REPIN1: variants seen among roughly 807,000 people sequenced by gnomAD.
REPIN1 encodes DNA-binding protein REPIN1.
In REPIN1, 4 loss-of-function variants were observed where a neutral mutation model predicts 5.7. The observed-to-expected ratio is 0.71, with a 90% confidence interval of 0.35 to 1.62. The LOEUF (loss-of-function observed/expected upper bound fraction) is 1.62. REPIN1 is among the 40% of genes most tolerant of loss of function. The probability of loss-of-function intolerance (pLI) is 0.05; values close to 1 mark genes in which losing one functional copy is unlikely to be tolerated. For missense variants in REPIN1, 854 were observed against 901.0 expected (o/e 0.95, Z 0.67); for synonymous variants, 410 against 386.2 (o/e 1.06, Z -0.72).
chr7:150,372,483 G>T lies in REPIN1; in HGVS notation c.1413G>T (p.Lys471Asn). Residue 471 changes from lysine to asparagine, a missense_variant, in exon 3 of 3, where the codon AAG becomes AAT. Physicochemically the swap from Lys to Asn is moderately conservative, Grantham distance 94 (BLOSUM62 0). Around this residue, in one of 5 missense-constraint regions of REPIN1, gnomAD observed 327 missense variants for 307.8 expected, o/e 1.06. Coordinates refer to ENST00000489432, the MANE Select transcript of REPIN1 (RefSeq NM_001099695.2). ...CCGAGTGCGGGAAGAACTTCGGCAA[G>T]AAGACGCACCTGGTGGCGCACTCGC... The part of the protein sequence containing the change: ...TCAECGKNFG[K>N]KTHLVAHSRV... 1 of 1,546,152 alleles carries T rather than the reference G, an allele frequency of 6.5e-7. No homozygotes were observed. The highest frequency in any genetic ancestry group is 8.7e-7 in the Non-Finnish European group (1 of 1,151,908).
intron 1 of REPIN1, chr7:150,369,143 A>AG (rs1799204970): frequency 2.9e-6 from 1 of 348,224 alleles, no homozygotes; most frequent in Non-Finnish European, 5.2e-6. Flanking sequence ...CTCACTCGCA[A>AG]GAACGGGACC....
At chr7:150,368,648 G>A (rs1168893954), upstream of REPIN1, 1 of 193,834 alleles carries the variant, frequency 5.2e-6, no homozygotes, top group African/African-American at 2.3e-5. Flanking sequence ...GCCCTGGCGC[G>A]GCAGTGGCTT....
rs367724240 is a variant in REPIN1, at chr7:150,372,872, G to A, written c.1802G>A (p.Cys601Tyr). The change falls in exon 3 of 3, where the codon TGC becomes TAC. Residue 601 changes from cysteine (C) to tyrosine (Y), a missense_variant. By Grantham distance (194) the Cys-to-Tyr change is radical (BLOSUM62 -2). This residue lies in a region of REPIN1 where 101 missense variants were observed against 124.7 expected (regional missense o/e 0.81). Transcript: ENST00000489432. ...RKSHIRDGAF[C>Y]CAICGQTFDD... ...AGCCACATCCGGGACGGCGCCTTCT[G>A]CTGTGCCATCTGTGGCCAGACCTTC... 1 of 1,613,244 alleles carries A rather than the reference G, an allele frequency of 6.2e-7. No individual in the cohort carries two copies. The highest frequency in any genetic ancestry group is 2.2e-5 in the East Asian group (1 of 44,888).
chr7:150,370,968 G>A, intron 2 of REPIN1: 4 of 649,780 alleles, frequency 6.2e-6, no homozygotes, highest in Admixed American at 4.6e-5. Context: ...GCCATGAGGG[G>A]GATTCTAGTA....
chr7:150,368,782 G>T (rs1269392720), upstream of REPIN1: 7 of 288,576 alleles, frequency 2.4e-5, no homozygotes, highest in Non-Finnish European at 4.4e-5. Flanking sequence ...GTCACGTGGC[G>T]CTGGGAACCC....
At chr7:150,370,852 A>C in intron 2 of REPIN1, 1 of 701,542 alleles carries the variant, frequency 1.4e-6, no homozygotes, top group Non-Finnish European at 2.6e-6. Flanking sequence ...GGGCAGCATA[A>C]GGCACTGTAG....
intron 2 of REPIN1, chr7:150,370,457 G>T: frequency 2.4e-6 from 1 of 418,348 alleles, no homozygotes; most frequent in Admixed American, 3.8e-5. Context: ...AGACTGCCGG[G>T]AGTAGCACCC....
chr7:150,371,302 T>C lies in REPIN1; in HGVS notation c.232T>C (p.Ser78Pro). 6.3e-7 allele frequency: 1 copy of C among 1,589,882 alleles called. No homozygotes were observed. The highest frequency in any genetic ancestry group is 8.6e-7 in the Non-Finnish European group (1 of 1,168,948). Residue 78 changes from serine (S) to proline (P), a missense_variant, in exon 3 of 3, where the codon TCT becomes CCT. Coordinates refer to ENST00000489432, the MANE Select transcript of REPIN1 (RefSeq NM_001099695.2). ...AMGLAQPRLL[S>P]GPSQESPQTL... ...GGGCCTGGCCCAGCCCCGACTCCTT[T>C]CTGGGCCCTCCCAGGAGTCACCCCA...
rs754624033 is a variant in REPIN1 at position 150,372,279 on chromosome 7, G to A, written c.1209G>A (p.Ala403=). Residue 403 remains alanine, a synonymous_variant, in exon 3 of 3, where the codon GCG becomes GCA. Coordinates refer to ENST00000489432, the MANE Select transcript of REPIN1 (RefSeq NM_001099695.2). The part of the protein sequence containing the change: ...PQESAAEPTP[A]VPLKPAQEPP... Reference sequence around the variant, plus strand: ...AGTCCGCGGCCGAGCCCACCCCGGCGGTACCTCTGAAACCGGCCCAGGAGC... The same window carrying A: ...AGTCCGCGGCCGAGCCCACCCCGGCAGTACCTCTGAAACCGGCCCAGGAGC... The A allele has an allele frequency of 1.4e-5, 22 of 1,520,550 alleles. No homozygotes were observed. The highest frequency in any genetic ancestry group is 1.9e-5 in the Non-Finnish European group (22 of 1,141,262). 94.2% of individuals were successfully genotyped at this position (1,520,550 alleles called of 1,614,324 possible).
At position 150,372,568 on chromosome 7, in the gene REPIN1, G is replaced by A; in HGVS notation, c.1498G>A (p.Gly500Ser). The A allele has an allele frequency of 6.3e-7, 1 of 1,598,004 alleles. No individual in the cohort carries two copies. Among genetic ancestry groups the A allele is most frequent in the Non-Finnish European group, 8.5e-7 (1 of 1,175,318 alleles). The change falls in exon 3 of 3, where the codon GGC becomes AGC. Residue 500 changes from glycine (G) to serine (S), a missense_variant. Gly to Ser is a moderately conservative substitution (Grantham distance 56, BLOSUM62 0). This residue lies in a region of REPIN1 where 327 missense variants were observed against 307.8 expected (regional missense o/e 1.06). Transcript: ENST00000489432. ...CEECGRRFSQGSHLAAHRRDH... is the reference protein window; with the variant it reads ...CEECGRRFSQSSHLAAHRRDH... ...GGAGTGCGGCCGCCGCTTCTCCCAG[G>A]GCAGCCATCTGGCGGCGCATCGGCG... is the stretch of plus-strand genomic sequence containing the variant.
chr7:150,369,113 G>A, intron 1 of REPIN1, 172 bp downstream of exon 1: 1 of 352,064 alleles, frequency 2.8e-6, no homozygotes, highest in Non-Finnish European at 5.1e-6. Context: ...GAGCTGCGCC[G>A]TGCGTGGGAC....
In REPIN1 at chr7:150,371,864, C is replaced by T. The variant is rs1204568589; in HGVS notation, c.794C>T (p.Ala265Val). 6.2e-7 allele frequency: 1 copy of T among 1,605,784 alleles called. No individual in the cohort carries two copies. The highest frequency in any genetic ancestry group is 8.5e-7 in the Non-Finnish European group (1 of 1,176,692). ...VHVAEALEEA[A>V]AKALGPRPRG... ...GTAGCTGAGGCCCTGGAGGAGGCCG[C>T]AGCCAAGGCTCTGGGGCCCCGGCCC... is the stretch of plus-strand genomic sequence containing the variant. Residue 265 changes from alanine (A) to valine (V), a missense_variant, in exon 3 of 3, where the codon GCA (alanine) becomes GTA (valine). By Grantham distance (64) the Ala-to-Val change is moderately conservative (BLOSUM62 0). Around this residue, in one of 5 missense-constraint regions of REPIN1, gnomAD observed 409 missense variants for 418.6 expected, o/e 0.98. Transcript: ENST00000489432.
At chr7:150,369,255 C>G in intron 1 of REPIN1, 1 of 379,442 alleles carries the variant, frequency 2.6e-6, no homozygotes, top group Non-Finnish European at 4.8e-6. Context: ...GGGATTCTGA[C>G]GGAGTCGTGG....
At chr7:150,370,366 G>T (rs569697389) in intron 2 of REPIN1, 1 of 281,046 alleles carries the variant, frequency 3.6e-6, no homozygotes, top group South Asian at 3.9e-5. Context: ...CTTCCTTCCT[G>T]CAATGTCCTA....
rs1328386820 is a variant in REPIN1 at position 150,369,864 on chromosome 7, C to G, written c.153C>G (p.Leu51=). Residue 51 remains leucine (L), a synonymous_variant, in exon 2 of 3, where the codon CTC becomes CTG. Coordinates refer to ENST00000489432, the MANE Select transcript of REPIN1 (RefSeq NM_001099695.2). ...AGCCTCATCCCCAGCTCTGCAGTCT[C>G]CAGGGTAGAGTCTGGCCTTTGCTGT... ...WKKPHPQLCS[L]QAEEEPMLER... is the part of the protein sequence containing the mutation. 1.3e-6 allele frequency: 2 copies of G among 1,599,496 alleles called. No individual in the cohort carries two copies. Among genetic ancestry groups the G allele is most frequent in the Non-Finnish European group, 1.7e-6 (2 of 1,169,910 alleles).
chr7:150,370,240 T>G (rs1799479390), intron 2 of REPIN1: 3 of 256,360 alleles, frequency 1.2e-5, no homozygotes, highest in Non-Finnish European at 2.3e-5. Context: ...GATTGCAGTC[T>G]CATCTTCCCT....
In REPIN1 at chr7:150,372,477, C is replaced by A; in HGVS notation, c.1407C>A (p.Phe469Leu). 1 of 1,544,122 alleles carries A rather than the reference C, an allele frequency of 6.5e-7. No homozygotes were observed. Among genetic ancestry groups the A allele is most frequent in the Non-Finnish European group, 8.7e-7 (1 of 1,150,998 alleles). The change falls in exon 3 of 3, where the codon TTC becomes TTA. Residue 469 changes from phenylalanine to leucine, a missense_variant. By Grantham distance (22) the Phe-to-Leu change is conservative. Around this residue, in one of 5 missense-constraint regions of REPIN1, gnomAD observed 327 missense variants for 307.8 expected, o/e 1.06. Coordinates refer to ENST00000489432, the MANE Select transcript of REPIN1 (RefSeq NM_001099695.2). ...CCTGCGCCGAGTGCGGGAAGAACTT[C>A]GGCAAGAAGACGCACCTGGTGGCGC... ...PFTCAECGKN[F>L]GKKTHLVAHS...
rs935589038 is a variant in REPIN1, at chr7:150,372,351, C to G, written c.1281C>G (p.Ala427=). The G allele has an allele frequency of 2.3e-5, 35 of 1,506,850 alleles. No individual in the cohort carries two copies. The highest frequency in any genetic ancestry group is 3.0e-5 in the Non-Finnish European group (34 of 1,135,702). 93.3% of individuals were successfully genotyped at this position (1,506,850 alleles called of 1,614,324 possible). A position where few individuals can be genotyped will look rare whatever the true frequency, so the allele number is the denominator to read the frequency against. Residue 427 remains alanine, a synonymous_variant, in exon 3 of 3, where the codon GCC becomes GCG. Transcript: ENST00000489432. ...PPEHPQDPIE[A]PPSLYSCDDC... ...AGCACCCGCAGGACCCGATCGAAGC[C>G]CCCCCCTCCCTCTACAGCTGCGACG... is the stretch of plus-strand genomic sequence containing the variant.
At chr7:150,368,501 G>A (rs1799059450), upstream of REPIN1, among the ~76,000 whole-genome samples, 1 of 152,114 alleles carries the variant, frequency 6.6e-6, no homozygotes, top group Non-Finnish European at 1.5e-5. Flanking sequence ...GGTGACCATA[G>A]GCCAGCCACG....
Sources: gnomAD v4.1 joint callset for allele counts (sites outside exome capture counted in the v4.1 genomes callset) on GRCh38, gnomAD v4.1.1 for gene constraint, gnomAD v4.1.1 regional missense constraint, MANE v1.5 for transcripts, NCBI Gene and HGNC (gene_info 2026-07-23, HGNC 2026-07-21) for gene names.